PCDH15: variants seen among roughly 807,000 people sequenced by gnomAD.
PCDH15 encodes the protein protocadherin-15.
A neutral mutation model predicts 178.5 loss-of-function variants in PCDH15; 129 were observed. The ratio of observed to expected loss-of-function variants is 0.72; its 90% CI spans 0.63 to 0.84. The LOEUF (loss-of-function observed/expected upper bound fraction) is 0.84. PCDH15 is among the 40% of genes least tolerant of loss of function. PCDH15 has a pLI of 0.00. For synonymous variants in PCDH15, 800 were observed against 732.0 expected, an observed-to-expected ratio of 1.09 and a Z score of -1.50; for missense variants, 2,230 against 2,099.9, an observed-to-expected ratio of 1.06 and a Z score of -1.21.
intron 1 of PCDH15, among the ~76,000 whole-genome samples, chr10:55,317,726 A>G (rs1448290362): frequency 1.3e-5 from 2 of 152,206 alleles, no homozygotes; most frequent in African/African-American, 2.4e-5. Flanking sequence ...ACAGAAAAAA[A>G]AAAACAGAAT....
chr10:54,042,192 T>C (rs2093562412), intron 18 of PCDH15, among the ~76,000 whole-genome samples: 1 of 152,004 alleles, frequency 6.6e-6, no homozygotes, highest in Non-Finnish European at 1.5e-5. Flanking sequence ...GATGGTAAAT[T>C]CTCTCTTTTA....
chr10:54,946,368 C>T (rs1275414112), intron 2 of PCDH15, among the ~76,000 whole-genome samples: 1 of 151,748 alleles, frequency 6.6e-6, no homozygotes, highest in African/African-American at 2.4e-5. Context: ...CTCCTCACGC[C>T]TTAACTGTGC....
intron 2 of PCDH15, chr10:55,599,365 C>T (rs1164155464): frequency 6.6e-6 from 1 of 152,254 alleles, no homozygotes; most frequent in East Asian, 1.9e-4. Context: ...GTAAGTTTAA[C>T]TGTTAAAGGG....
At chr10:54,601,011 C>A (rs1472754159) in intron 2 of PCDH15, among the ~76,000 whole-genome samples, 1 of 151,940 alleles carries the variant, frequency 6.6e-6, no homozygotes, top group Non-Finnish European at 1.5e-5. Flanking sequence ...CTCTCTTAGC[C>A]TTAAGAAAGC....
Position 54,366,226 on chromosome 10 carries a change from G to A in PCDH15, c.474+2894C>T, listed in dbSNP as rs572172702. Among the ~76,000 whole-genome samples, 35 of 152,146 alleles carry A rather than the reference G, an allele frequency of 2.3e-4. No individual in the cohort carries two copies. In the South Asian group the frequency reaches 5.2e-3, roughly 23 times the overall value. On this transcript the variant is annotated intron_variant, in intron 5 of 37. Coordinates refer to ENST00000644397, the MANE Select transcript of PCDH15 (RefSeq NM_001384140.1). ...TTTTGGAAGCTTCTTTTATAAATCT[G>A]TGATAATGACTTTATTATACCTGTC...
At chr10:54,808,097 A>G (rs1198786299) in intron 3 of PCDH15, among the ~76,000 whole-genome samples, 2 of 152,220 alleles carry the variant, frequency 1.3e-5, no homozygotes, top group African/African-American at 4.8e-5. Flanking sequence ...ATCTTTAGAT[A>G]AAATGAGACA....
rs996357439 is a variant in PCDH15 at position 54,979,223 on chromosome 10, T to C, written c.-79-81723A>G. Among the ~76,000 whole-genome samples, 2 of 152,102 alleles carry C rather than the reference T, an allele frequency of 1.3e-5. 1 individual carries two copies. The highest frequency in any genetic ancestry group is 2.9e-5 in the Non-Finnish European group (2 of 68,016). ...TTGTTATGGTGATAACAATGCTATATGAGGAATGGATAGTTGAAATAGAAA... is the reference window on the plus strand; with the variant it reads ...TTGTTATGGTGATAACAATGCTATACGAGGAATGGATAGTTGAAATAGAAA... On this transcript the variant is annotated intron_variant, in intron 2 of 5. Coordinates refer to the PCDH15 transcript ENST00000458638.
At chr10:54,996,475 G>T (rs1233342841) in intron 2 of PCDH15, among the ~76,000 whole-genome samples, 3 of 152,062 alleles carry the variant, frequency 2.0e-5, no homozygotes, top group Non-Finnish European at 4.4e-5. Context: ...ATTGTGTTTT[G>T]GTTATTGTTT....
At chr10:55,343,234 A>G (rs1235587827) in intron 2 of PCDH15, among the ~76,000 whole-genome samples, 1 of 152,178 alleles carries the variant, frequency 6.6e-6, no homozygotes, top group Non-Finnish European at 1.5e-5. Context: ...TAAGGAATTA[A>G]AAGATGTTTT....
At chr10:55,346,588 C>A (rs1043541330) in intron 2 of PCDH15, among the ~76,000 whole-genome samples, 4 of 152,048 alleles carry the variant, frequency 2.6e-5, no homozygotes, top group African/African-American at 4.8e-5. Context: ...ATCTCTGGAC[C>A]TTTGCAGTGA....
At chr10:54,928,050 G>A (rs185145936) in intron 2 of PCDH15, among the ~76,000 whole-genome samples, 1 of 152,196 alleles carries the variant, frequency 6.6e-6, no homozygotes, top group East Asian at 1.9e-4. Context: ...GTGTACTTAA[G>A]TGTGTTCTTG....
intron 1 of PCDH15, among the ~76,000 whole-genome samples, chr10:55,303,953 T>C (rs997254897): frequency 2.8e-4 from 42 of 152,200 alleles, no homozygotes; most frequent in African/African-American, 1.0e-3. Flanking sequence ...CACTTCATTT[T>C]TTTTAGTTAT....
At chr10:54,320,800 T>C (rs1482356439) in intron 7 of PCDH15, among the ~76,000 whole-genome samples, 2 of 151,936 alleles carry the variant, frequency 1.3e-5, no homozygotes, top group Non-Finnish European at 2.9e-5. Flanking sequence ...CTCATCCCAT[T>C]ATTAAGAGAG....
chr10:54,065,298 C>T (rs138428128), intron 18 of PCDH15, among the ~76,000 whole-genome samples: 2 of 152,124 alleles, frequency 1.3e-5, no homozygotes, highest in Non-Finnish European at 2.9e-5. Context: ...TAGAGTTTGC[C>T]CTTGGAGTGA....
intron 2 of PCDH15, among the ~76,000 whole-genome samples, chr10:54,597,870 A>G (rs889354446): frequency 2.0e-5 from 3 of 152,140 alleles, no homozygotes; most frequent in African/African-American, 7.2e-5. Flanking sequence ...TATGAACACA[A>G]ACTAGAAAAT....
chr10:53,932,070 G>C (rs1242794965), intron 25 of PCDH15, among the ~76,000 whole-genome samples: 1 of 152,166 alleles, frequency 6.6e-6, no homozygotes, highest in Non-Finnish European at 1.5e-5. Flanking sequence ...CTTTGGGTCA[G>C]ACCTGGGTTT....
chr10:54,204,113 G>T (rs1373765407), intron 10 of PCDH15, among the ~76,000 whole-genome samples: 2 of 152,090 alleles, frequency 1.3e-5, no homozygotes, highest in Non-Finnish European at 2.9e-5. Flanking sequence ...GGACATGTTT[G>T]TCTTGGGATT....
chr10:55,468,903 G>A (rs1424390514), intron 2 of PCDH15, among the ~76,000 whole-genome samples: 1 of 152,008 alleles, frequency 6.6e-6, no homozygotes, highest in Non-Finnish European at 1.5e-5. Context: ...ATTAATTCTT[G>A]AAAAGCTTGG....
At chr10:54,505,531 C>T (rs1204649074) in intron 3 of PCDH15, among the ~76,000 whole-genome samples, 1 of 151,830 alleles carries the variant, frequency 6.6e-6, no homozygotes, top group African/African-American at 2.4e-5. Context: ...GAATTCTCAG[C>T]AAATTAACAC....
Sources: gnomAD v4.1 joint callset for allele counts (sites outside exome capture counted in the v4.1 genomes callset) on GRCh38, gnomAD v4.1.1 for gene constraint, MANE v1.5 for transcripts, NCBI Gene and HGNC (gene_info 2026-07-23, HGNC 2026-07-21) for gene names.